WWOX: variants seen among roughly 807,000 people sequenced by gnomAD.
WWOX encodes WW domain-containing oxidoreductase.
WWOX carries 69 observed loss-of-function variants against 46.2 expected under a neutral mutation model. The ratio of observed to expected loss-of-function variants is 1.49; its 90% CI spans 1.23 to 1.82. The LOEUF (loss-of-function observed/expected upper bound fraction) is 1.82, where lower values mean the gene tolerates loss of function less well. Ranked by LOEUF, WWOX falls within the 40% of genes most tolerant of loss-of-function variation. The pLI is 0.00. For missense variants in WWOX, 919 were observed against 542.6 expected (o/e 1.69, Z -6.89); for synonymous variants, 359 against 202.6 (o/e 1.77, Z -6.56).
intron 8 of WWOX, among the ~76,000 whole-genome samples, chr16:78,502,319 C>G (rs967855801): frequency 6.6e-6 from 1 of 152,080 alleles, no homozygotes; most frequent in Non-Finnish European, 1.5e-5. Flanking sequence ...AGAAAATGAC[C>G]CCTTAGTCAT....
chr16:78,619,056 G>C (rs1237270937), intron 8 of WWOX, among the ~76,000 whole-genome samples: 4 of 144,342 alleles, frequency 2.8e-5, no homozygotes, highest in Non-Finnish European at 4.5e-5. Flanking sequence ...AGCACTTTGG[G>C]AGGCTGAGGT....
chr16:78,967,632 C>T (rs1422917044), intron 8 of WWOX, among the ~76,000 whole-genome samples: 9 of 151,830 alleles, frequency 5.9e-5, no homozygotes, highest in Admixed American at 5.2e-4. Flanking sequence ...TAAAGAAATA[C>T]AGGAAACAGC....
intron 8 of WWOX, chr16:79,204,481 T>C (rs1436083116): frequency 6.6e-6 from 1 of 152,112 alleles, no homozygotes; most frequent in Non-Finnish European, 1.5e-5. Context: ...CTCAGAAAGA[T>C]AAAATAATTC....
rs556541878 is a variant in WWOX at position 78,149,142 on chromosome 16, C to G, written c.410-15041C>G. On this transcript the variant is annotated intron_variant, in intron 4 of 8. Transcript: ENST00000566780. Reference sequence around the variant, plus strand: ...AAAGTGCTGGGATTATACTTTGAGCCACTGTGCCTGGCTGGCCTTTGTGTT... The same window carrying G: ...AAAGTGCTGGGATTATACTTTGAGCGACTGTGCCTGGCTGGCCTTTGTGTT... 2.0e-5 allele frequency among the ~76,000 whole-genome samples: 3 copies of G among 152,100 alleles called. No individual in the cohort carries two copies. The South Asian group carries it at 6.2e-4, about 32-fold the overall frequency.
In WWOX at chr16:78,956,638, C is replaced by G. The variant is rs148348386; in HGVS notation, c.1057-254970C>G. 1.7e-4 allele frequency among the ~76,000 whole-genome samples: 26 copies of G among 152,126 alleles called. No individual in the cohort carries two copies. The East Asian group carries it at 4.4e-3, about 26-fold the overall frequency. ...CATGTCATATCATATCATATCATAC[C>G]GAATAATTTCATTGCCCTAAAATAC... On this transcript the variant is annotated intron_variant, in intron 8 of 8. Transcript: ENST00000566780.
intron 8 of WWOX, among the ~76,000 whole-genome samples, chr16:78,731,899 G>A (rs1047814898): frequency 6.8e-6 from 1 of 146,494 alleles, no homozygotes; most frequent in East Asian, 2.0e-4. Flanking sequence ...CCAAGCTGGA[G>A]TGCAGTGGTG....
At chr16:79,105,140 C>T (rs2049282632) in intron 8 of WWOX, among the ~76,000 whole-genome samples, 1 of 152,146 alleles carries the variant, frequency 6.6e-6, no homozygotes, top group Non-Finnish European at 1.5e-5. Context: ...CCTGTAGCCC[C>T]AGAGCCTCTC....
chr16:79,068,229 T>C (rs752013432), intron 8 of WWOX, among the ~76,000 whole-genome samples: 13 of 152,212 alleles, frequency 8.5e-5, no homozygotes, highest in Non-Finnish European at 1.3e-4. Flanking sequence ...TAACTAATGA[T>C]GTTTATGAAC....
chr16:79,201,540 A>C (rs1482986529), intron 8 of WWOX, among the ~76,000 whole-genome samples: 1 of 152,204 alleles, frequency 6.6e-6, no homozygotes, highest in Admixed American at 6.5e-5. Context: ...TCAATAAAAA[A>C]GTCCCGAAGG....
chr16:78,315,275 A>G (rs1482677500), intron 5 of WWOX, among the ~76,000 whole-genome samples: 1 of 152,224 alleles, frequency 6.6e-6, no homozygotes, highest in Non-Finnish European at 1.5e-5. Flanking sequence ...AGACATGAGA[A>G]GTGAAACTGT....
intron 8 of WWOX, among the ~76,000 whole-genome samples, chr16:79,012,973 C>T (rs1035112826): frequency 6.6e-6 from 1 of 152,158 alleles, no homozygotes; most frequent in Non-Finnish European, 1.5e-5. Flanking sequence ...GGGTGGATCG[C>T]CTGAGGTCAG....
rs73575675 is a variant in WWOX at position 78,804,635 on chromosome 16, C to T, written c.1056+371883C>T. On this transcript the variant is annotated intron_variant, in intron 8 of 8. Transcript: ENST00000566780. ...ATGTTTTACATGTCAAGCAATGAGC[C>T]TTTGAGTGTAGCAGAATTGCTTCAT... Among the ~76,000 whole-genome samples, 1,319 of 152,278 alleles carry T rather than the reference C, an allele frequency of 8.7e-3. 24 individuals are homozygous for T. The highest frequency in any genetic ancestry group is 0.03 in the African/African-American group (1,256 of 41,562).
intron 8 of WWOX, among the ~76,000 whole-genome samples, chr16:78,986,297 G>T (rs1282927043): frequency 6.6e-6 from 1 of 152,216 alleles, no homozygotes; most frequent in Non-Finnish European, 1.5e-5. Context: ...GGTGCTTCCA[G>T]ACCTATAGTT....
chr16:78,315,078 T>G (rs2080333020), intron 5 of WWOX, among the ~76,000 whole-genome samples: 1 of 152,196 alleles, frequency 6.6e-6, no homozygotes, highest in Non-Finnish European at 1.5e-5. Flanking sequence ...CATCTAGCTA[T>G]CTATCGATTT....
chr16:78,586,185 T>A (rs2151595441), intron 8 of WWOX, among the ~76,000 whole-genome samples: 2 of 152,304 alleles, frequency 1.3e-5, no homozygotes, highest in South Asian at 4.2e-4. Flanking sequence ...AGCGAGACCC[T>A]GTTTCTTAAG....
At chr16:78,382,493 G>T (rs530412604) in intron 5 of WWOX, among the ~76,000 whole-genome samples, 4 of 152,292 alleles carry the variant, frequency 2.6e-5, no homozygotes, top group Non-Finnish European at 4.4e-5. Context: ...AATTAATGGA[G>T]ATTTGGGGGT....
chr16:78,619,133 TA>T lies in WWOX; in HGVS notation c.1056+186391del, dbSNP rs768370577. Among the ~76,000 whole-genome samples the T allele has an allele frequency of 1.5e-3, 6 of 4,102 alleles. 2 individuals are homozygous for T. The highest frequency in any genetic ancestry group is 0.019 in the South Asian group (2 of 104). The allele number at this position is 4,102 out of a possible 152,430, so 2.7% of individuals were successfully genotyped here. On this transcript the variant is annotated intron_variant, in intron 8 of 8. Transcript: ENST00000566780. ...CAACGTGGCAAAACCCCATTTCTAC[TA>T]AAAAAAAAATATATATATATATATA...
intron 8 of WWOX, among the ~76,000 whole-genome samples, chr16:78,839,828 T>C (rs1251224228): frequency 6.6e-6 from 1 of 152,194 alleles, no homozygotes; most frequent in African/African-American, 2.4e-5. Context: ...CTCATCATCG[T>C]CTAGAGATAT....
At chr16:78,584,450 T>G (rs2045143601) in intron 8 of WWOX, among the ~76,000 whole-genome samples, 1 of 152,178 alleles carries the variant, frequency 6.6e-6, no homozygotes, top group Non-Finnish European at 1.5e-5. Flanking sequence ...TGAGTAAAAC[T>G]GAAACAGTAA....
Sources: gnomAD v4.1 joint callset for allele counts (sites outside exome capture counted in the v4.1 genomes callset) on GRCh38, gnomAD v4.1.1 for gene constraint, MANE v1.5 for transcripts, NCBI Gene and HGNC (gene_info 2026-07-23, HGNC 2026-07-21) for gene names.